The following CAPZA1 variants were observed in gnomAD, a reference collection of about 807,000 sequenced individuals.
CAPZA1 encodes F-actin-capping protein subunit alpha-1.
A neutral mutation model predicts 40.8 loss-of-function variants in CAPZA1; 10 were observed. The observed-to-expected ratio is 0.25, with a 90% CI of 0.15 to 0.42. CAPZA1 has a LOEUF of 0.42. Ranked by LOEUF, CAPZA1 falls within the 10% of genes least tolerant of loss-of-function variation. The pLI is 1.00. For missense variants in CAPZA1, 277 were observed against 353.8 expected (o/e 0.78, Z 1.74); for synonymous variants, 98 against 115.0 (o/e 0.85, Z 0.95).
At chr1:112,642,682 C>T (rs1051604809) in intron 1 of CAPZA1, among the ~76,000 whole-genome samples, 1 of 152,074 alleles carries the variant, frequency 6.6e-6, no homozygotes, top group African/African-American at 2.4e-5. Context: ...ACTTCTCTTC[C>T]TAGTTTGCCG....
intron 4 of CAPZA1, 34 bp from the exon 5 acceptor site, chr1:112,654,431 A>C (rs768511443): frequency 4.3e-6 from 6 of 1,402,128 alleles, no homozygotes; most frequent in Non-Finnish European, 4.9e-6. Flanking sequence ...TGTCTTTTTT[A>C]CAGTTACTCA....
intron 1 of CAPZA1, among the ~76,000 whole-genome samples, chr1:112,621,285 A>C (rs552853689): frequency 0.017 from 1,711 of 99,738 alleles, 14 homozygotes; most frequent in South Asian, 0.026. Flanking sequence ...ATACAACTAA[A>C]CAATTTTTTT....
chr1:112,644,076 C>CTCAAATGA (rs1440489560), intron 1 of CAPZA1, among the ~76,000 whole-genome samples: 2 of 150,980 alleles, frequency 1.3e-5, no homozygotes, highest in Non-Finnish European at 2.9e-5. Context: ...AACTCCTGAC[C>CTCAAATGA]TCAAATGATC....
rs1182526098 is a variant in CAPZA1 at position 112,659,682 on chromosome 1, T to G, written c.507-19T>G. 1.9e-6 allele frequency: 3 copies of G among 1,583,114 alleles called. No individual in the cohort carries two copies. The highest frequency in any genetic ancestry group is 2.6e-6 in the Non-Finnish European group (3 of 1,153,884). On this transcript the variant is annotated intron_variant, in intron 6 of 9. Transcript: ENST00000263168. Reference sequence around the variant, plus strand: ...GTGCTTATTGCTAATTCTGCAATGTTGTGTGTGTGTTTTAATAGGAATGGT... The same window carrying G: ...GTGCTTATTGCTAATTCTGCAATGTGGTGTGTGTGTTTTAATAGGAATGGT...
chr1:112,654,821 G>A, intron 5 of CAPZA1, 150 bp downstream of exon 5: 2 of 493,260 alleles, frequency 4.1e-6, no homozygotes, highest in Non-Finnish European at 3.5e-6. Context: ...TTTGGAAAGG[G>A]GTATAAATGA....
intron 1 of CAPZA1, among the ~76,000 whole-genome samples, chr1:112,621,073 A>G (rs1557723849): frequency 6.6e-6 from 1 of 152,214 alleles, no homozygotes; most frequent in African/African-American, 2.4e-5. Context: ...ATATGTAGAT[A>G]TGGCATGCCA....
At chr1:112,652,768 A>T (rs1339318159) in intron 3 of CAPZA1, among the ~76,000 whole-genome samples, 1 of 151,882 alleles carries the variant, frequency 6.6e-6, no homozygotes, top group African/African-American at 2.4e-5. Flanking sequence ...CTTTTTAAGA[A>T]TATAAGTGTA....
Position 112,624,261 on chromosome 1 carries a change from A to T in CAPZA1, c.39+4378A>T, listed in dbSNP as rs1021602764. On this transcript the variant is annotated intron_variant, in intron 1 of 9. Coordinates refer to ENST00000263168, the MANE Select transcript of CAPZA1 (RefSeq NM_006135.3). Reference sequence around the variant, plus strand: ...TTTTTTCACTATACTTTTCTTTTCCATATAGGTATGAATGAAAAACCAGAG... The same window carrying T: ...TTTTTTCACTATACTTTTCTTTTCCTTATAGGTATGAATGAAAAACCAGAG... Among the ~76,000 whole-genome samples, 9 of 152,076 alleles carry T rather than the reference A, an allele frequency of 5.9e-5. No individual in the cohort carries two copies. The South Asian group carries it at 8.3e-4, about 14-fold the overall frequency.
intron 1 of CAPZA1, among the ~76,000 whole-genome samples, chr1:112,634,455 A>G (rs1399692590): frequency 2.0e-5 from 3 of 152,180 alleles, no homozygotes; most frequent in African/African-American, 7.2e-5. Context: ...TATGATGGCA[A>G]TGATAGAGAA....
At position 112,619,866 on chromosome 1, in the gene CAPZA1, G is replaced by A. The variant is rs144794798; in HGVS notation, c.22G>A (p.Val8Met). The A allele has an allele frequency of 6.2e-7, 1 of 1,612,940 alleles. No homozygotes were observed. Residue 8 changes from valine (V) to methionine (M), a missense_variant, in exon 1 of 10, where the codon GTG (valine) becomes ATG (methionine). Physicochemically the swap from Val to Met is conservative, Grantham distance 21 (BLOSUM62 1). This residue lies in a region of CAPZA1 where 85 missense variants were observed against 76.5 expected (regional missense o/e 1.11). Transcript: ENST00000263168. ...CAAGATGGCCGACTTCGATGATCGT[G>A]TGTCGGATGAGGAGAAGGTAAGGGG... MADFDDR[V>M]SDEEKVRIAA...
chr1:112,660,586 T>C (rs927147622), intron 7 of CAPZA1, among the ~76,000 whole-genome samples: 6 of 148,016 alleles, frequency 4.1e-5, no homozygotes, highest in African/African-American at 1.5e-4. Context: ...GGCCCAGAAG[T>C]AGATTTTTAA....
chr1:112,621,449 G>T (rs1413970043), intron 1 of CAPZA1, among the ~76,000 whole-genome samples: 5 of 152,012 alleles, frequency 3.3e-5, no homozygotes, highest in South Asian at 2.1e-4. Context: ...AGTGGGTTTC[G>T]TCTTGTTGCC....
chr1:112,661,012 C>T (rs924157106), intron 7 of CAPZA1, among the ~76,000 whole-genome samples: 1 of 151,918 alleles, frequency 6.6e-6, no homozygotes, highest in Non-Finnish European at 1.5e-5. Context: ...CACACACCAC[C>T]ACGCCCAGCT....
rs1209489013 is a variant in CAPZA1 at position 112,671,299 on chromosome 1, T to C, written c.*1167T>C. Reference sequence around the variant, plus strand: ...ATAGATATGATATGACAACTGGTAATGGTGGATTCATTTACATTGTTTACA... The same window carrying C: ...ATAGATATGATATGACAACTGGTAACGGTGGATTCATTTACATTGTTTACA... On this transcript the variant is annotated 3_prime_UTR_variant, in exon 10 of 10. Coordinates refer to ENST00000263168, the MANE Select transcript of CAPZA1 (RefSeq NM_006135.3). 1 of 152,622 alleles carries C rather than the reference T, an allele frequency of 6.6e-6. No homozygotes were observed. The highest frequency in any genetic ancestry group is 6.5e-5 in the Admixed American group (1 of 15,286). The allele number at this position is 152,622 out of a possible 1,614,324, so 9.5% of individuals were successfully genotyped here. A position where few individuals can be genotyped will look rare whatever the true frequency, so the allele number is the denominator to read the frequency against.
At chr1:112,655,131 C>T (rs1304840063) in intron 5 of CAPZA1, among the ~76,000 whole-genome samples, 1 of 152,034 alleles carries the variant, frequency 6.6e-6, no homozygotes, top group African/African-American at 2.4e-5. Context: ...GGCATTTTTA[C>T]ACAAACTACT....
intron 1 of CAPZA1, among the ~76,000 whole-genome samples, chr1:112,630,042 A>T (rs1425867129): frequency 1.3e-5 from 2 of 151,722 alleles, no homozygotes; most frequent in South Asian, 2.1e-4. Flanking sequence ...GTTGTTTTTA[A>T]TTTTTTTATT....
At chr1:112,619,959 T>A in intron 1 of CAPZA1, 76 bp downstream of exon 1, 1 of 1,202,308 alleles carries the variant, frequency 8.3e-7, no homozygotes. Context: ...GTTGGGAGCC[T>A]AGCAGTGTCC....
intron 7 of CAPZA1, among the ~76,000 whole-genome samples, chr1:112,666,726 C>CT (rs1394233575): frequency 1.3e-5 from 2 of 152,112 alleles, no homozygotes; most frequent in African/African-American, 4.8e-5. Context: ...CAGAGAAAAA[C>CT]TAATGTTTAA....
intron 1 of CAPZA1, among the ~76,000 whole-genome samples, chr1:112,624,605 CAAAAAAAAAAAAAAAA>C (rs34860716): frequency 3.6e-5 from 2 of 55,828 alleles, no homozygotes; most frequent in East Asian, 1.4e-3. Context: ...AAAACTCCAT[CAAAAAAAAAAAAAAAA>C]AAAAAAAAAA....
Sources: gnomAD v4.1 joint callset for allele counts (sites outside exome capture counted in the v4.1 genomes callset) on GRCh38, gnomAD v4.1.1 for gene constraint, gnomAD v4.1.1 regional missense constraint, MANE v1.5 for transcripts, NCBI Gene and HGNC (gene_info 2026-07-23, HGNC 2026-07-21) for gene names.